Variants in PKIB observed in about 807,000 individuals in gnomAD.
PKIB encodes cAMP-dependent protein kinase inhibitor beta.
PKIB carries 2 observed loss-of-function variants against 4.5 expected under a neutral mutation model. The observed-to-expected ratio is 0.44, with a 90% confidence interval of 0.18 to 1.39. PKIB has a LOEUF of 1.39. Ranked by LOEUF, PKIB falls within the 40% of genes most tolerant of loss-of-function variation. The probability of loss-of-function intolerance (pLI) is 0.27; values close to 1 mark genes in which losing one functional copy is unlikely to be tolerated. For missense variants in PKIB, 94 were observed against 92.6 expected (o/e 1.02, Z -0.06); for synonymous variants, 38 against 36.0 (o/e 1.06, Z -0.20).
At chr6:122,713,059 TG>T (rs1387336518) in intron 3 of PKIB, among the ~76,000 whole-genome samples, 1 of 152,144 alleles carries the variant, frequency 6.6e-6, no homozygotes, top group Non-Finnish European at 1.5e-5. Flanking sequence ...TTTCAGAGAC[TG>T]TAAAGATGCT....
At chr6:122,587,287 T>C (rs960175935) in intron 3 of PKIB, among the ~76,000 whole-genome samples, 2 of 152,162 alleles carry the variant, frequency 1.3e-5, no homozygotes, top group African/African-American at 2.4e-5. Context: ...TTTGGTTTTT[T>C]ATCCTTGCGA....
chr6:122,608,992 C>T, upstream of PKIB, among the ~76,000 whole-genome samples: 1 of 151,892 alleles, frequency 6.6e-6, no homozygotes. Context: ...ATAATAATAA[C>T]AGGCCTTAGC....
At chr6:122,515,031 A>AT (rs1366502291) in intron 2 of PKIB, among the ~76,000 whole-genome samples, 2 of 152,226 alleles carry the variant, frequency 1.3e-5, no homozygotes, top group African/African-American at 2.4e-5. Flanking sequence ...ATAAACTAAC[A>AT]GTAAAACTAT....
At chr6:122,500,336 A>G (rs889984728) in intron 2 of PKIB, among the ~76,000 whole-genome samples, 1 of 152,006 alleles carries the variant, frequency 6.6e-6, no homozygotes, top group Non-Finnish European at 1.5e-5. Flanking sequence ...CTAAATGCTC[A>G]GTAGATATTA....
intron 3 of PKIB, among the ~76,000 whole-genome samples, chr6:122,591,014 C>CT (rs1466950697): frequency 5.3e-5 from 8 of 151,178 alleles, no homozygotes; most frequent in Non-Finnish European, 4.4e-5. Context: ...CGAGTTTTGC[C>CT]TTTTTTTAAA....
chr6:122,598,258 T>C (rs1774239406), intron 3 of PKIB, among the ~76,000 whole-genome samples: 1 of 152,210 alleles, frequency 6.6e-6, no homozygotes, highest in African/African-American at 2.4e-5. Context: ...GTTTTCTGTT[T>C]GTAAAATTTA....
At chr6:122,716,078 T>G (rs1779480104) in intron 3 of PKIB, among the ~76,000 whole-genome samples, 1 of 152,182 alleles carries the variant, frequency 6.6e-6, no homozygotes, top group Non-Finnish European at 1.5e-5. Flanking sequence ...GCAAGAGGTC[T>G]TCCCAATAGG....
At chr6:122,638,850 A>G (rs1776025145) in intron 2 of PKIB, among the ~76,000 whole-genome samples, 1 of 152,196 alleles carries the variant, frequency 6.6e-6, no homozygotes, top group Non-Finnish European at 1.5e-5. Flanking sequence ...TCCCTGGCAG[A>G]TTCATCCTGC....
chr6:122,564,075 A>G (rs1204413854), intron 2 of PKIB, among the ~76,000 whole-genome samples: 4 of 152,156 alleles, frequency 2.6e-5, no homozygotes, highest in Admixed American at 1.3e-4. Context: ...GCTCCAGGTA[A>G]GGTCGGAAAC....
intron 3 of PKIB, among the ~76,000 whole-genome samples, chr6:122,601,870 A>G (rs758628151): frequency 1.6e-4 from 25 of 152,134 alleles, no homozygotes; most frequent in Non-Finnish European, 3.4e-4. Flanking sequence ...CAAAAGTTAT[A>G]TGAGGATTTT....
chr6:122,555,889 C>T (rs1772821423), intron 2 of PKIB, among the ~76,000 whole-genome samples: 1 of 152,146 alleles, frequency 6.6e-6, no homozygotes, highest in Non-Finnish European at 1.5e-5. Context: ...GTGTATAATA[C>T]AGAAATATCA....
chr6:122,676,758 C>G (rs1777690010), intron 3 of PKIB, among the ~76,000 whole-genome samples: 1 of 152,112 alleles, frequency 6.6e-6, no homozygotes, highest in Admixed American at 6.5e-5. Flanking sequence ...CAGATAAGAC[C>G]TCAGCAATTG....
chr6:122,525,840 G>T (rs1156257857), intron 2 of PKIB, among the ~76,000 whole-genome samples: 1 of 152,046 alleles, frequency 6.6e-6, no homozygotes, highest in Non-Finnish European at 1.5e-5. Flanking sequence ...AGTAAAATTT[G>T]CTATCTCAAT....
At chr6:122,618,712 G>C (rs1775092473) in intron 1 of PKIB, among the ~76,000 whole-genome samples, 1 of 151,798 alleles carries the variant, frequency 6.6e-6, no homozygotes, top group African/African-American at 2.4e-5. Flanking sequence ...TAATTTTCTG[G>C]TGACGCTACA....
intron 3 of PKIB, among the ~76,000 whole-genome samples, chr6:122,605,101 T>A (rs1281752632): frequency 6.6e-6 from 1 of 152,168 alleles, no homozygotes; most frequent in Non-Finnish European, 1.5e-5. Context: ...GTGCCCCTTG[T>A]GCCCTAGGCC....
chr6:122,503,440 T>C (rs992006233), intron 2 of PKIB, among the ~76,000 whole-genome samples: 3 of 152,346 alleles, frequency 2.0e-5, no homozygotes, highest in Non-Finnish European at 4.4e-5. Flanking sequence ...TAAAACTCAA[T>C]TCAAACTGGC....
At chr6:122,571,536 A>G (rs1165613643) in intron 2 of PKIB, among the ~76,000 whole-genome samples, 1 of 152,220 alleles carries the variant, frequency 6.6e-6, no homozygotes, top group Non-Finnish European at 1.5e-5. Context: ...AAACTATCAG[A>G]CTAACAGCAG....
chr6:122,677,192 C>G (rs1777705098), intron 3 of PKIB, among the ~76,000 whole-genome samples: 1 of 152,228 alleles, frequency 6.6e-6, no homozygotes, highest in South Asian at 2.1e-4. Flanking sequence ...ACAAATTTTC[C>G]TTTAAAAATG....
At chr6:122,683,333 C>T (rs1250062702) in intron 3 of PKIB, among the ~76,000 whole-genome samples, 6 of 152,066 alleles carry the variant, frequency 3.9e-5, no homozygotes, top group African/African-American at 7.2e-5. Context: ...GGGGAACAGT[C>T]ATGTCACATG....
Sources: gnomAD v4.1 joint callset for allele counts (sites outside exome capture counted in the v4.1 genomes callset) on GRCh38, gnomAD v4.1.1 for gene constraint, MANE v1.5 for transcripts, NCBI Gene and HGNC (gene_info 2026-07-23, HGNC 2026-07-21) for gene names.